Variants in TAF5L observed in about 807,000 individuals in gnomAD.
TAF5L encodes TATA-box binding protein associated factor 5 like.
In TAF5L, 7 loss-of-function variants were observed where a neutral mutation model predicts 51.3. That is an observed-to-expected ratio of 0.14 (90% confidence interval 0.08 to 0.26). The LOEUF (loss-of-function observed/expected upper bound fraction) is 0.26, where lower values mean the gene tolerates loss of function less well. TAF5L is among the 10% of genes least tolerant of loss of function. The probability of loss-of-function intolerance (pLI) is 1.00; values close to 1 mark genes in which losing one functional copy is unlikely to be tolerated. For missense variants in TAF5L, 575 were observed against 758.9 expected (o/e 0.76, Z 2.85); for synonymous variants, 291 against 308.1 (o/e 0.94, Z 0.58).
intron 1 of TAF5L, among the ~76,000 whole-genome samples, chr1:229,619,065 A>G (rs1384194049): frequency 6.6e-6 from 1 of 152,200 alleles, no homozygotes; most frequent in Non-Finnish European, 1.5e-5. Context: ...GAAGAAAAAA[A>G]TTATTTTTTT....
intron 4 of TAF5L, chr1:229,599,475 C>T (rs1458263807): frequency 6.4e-6 from 1 of 155,652 alleles, no homozygotes; most frequent in Non-Finnish European, 1.4e-5. Context: ...GCAACCACTC[C>T]TCTCCTCTCT....
intron 3 of TAF5L, among the ~76,000 whole-genome samples, chr1:229,609,430 C>T (rs1664712176): frequency 6.6e-6 from 1 of 152,152 alleles, no homozygotes. Context: ...CGGTTGATTG[C>T]TAAAGTGAGT....
intron 4 of TAF5L, among the ~76,000 whole-genome samples, chr1:229,596,142 C>CG (rs1482947577): frequency 5.9e-5 from 9 of 152,100 alleles, no homozygotes; most frequent in Non-Finnish European, 1.3e-4. Context: ...GGCATGGTGG[C>CG]GCATGCCTGT....
At chr1:229,609,817 C>T (rs1032509402) in intron 3 of TAF5L, among the ~76,000 whole-genome samples, 2 of 152,192 alleles carry the variant, frequency 1.3e-5, no homozygotes, top group Non-Finnish European at 2.9e-5. Flanking sequence ...AATAAACACC[C>T]AGAGCTCTGC....
intron 3 of TAF5L, among the ~76,000 whole-genome samples, chr1:229,608,033 A>C (rs1243140301): frequency 6.6e-6 from 1 of 152,224 alleles, no homozygotes; most frequent in Non-Finnish European, 1.5e-5. Flanking sequence ...TTGAAATGTA[A>C]AGTTCTGGCC....
intron 4 of TAF5L, among the ~76,000 whole-genome samples, chr1:229,598,397 T>C (rs1664209796): frequency 6.6e-6 from 1 of 152,226 alleles, no homozygotes; most frequent in Admixed American, 6.5e-5. Context: ...AATGACAATT[T>C]GATACACAGA....
intron 1 of TAF5L, among the ~76,000 whole-genome samples, chr1:229,618,544 CT>C (rs1463061095): frequency 6.6e-6 from 1 of 152,130 alleles, no homozygotes; most frequent in African/African-American, 2.4e-5. Flanking sequence ...TTGCCAGATA[CT>C]TCAACCAAGT....
rs375800091 is a variant in TAF5L, at chr1:229,607,064, AAGCTATGC to A, written c.247+3034_247+3041del. ...ATCCTAGCCTCAAATTTCCCACTGC[AAGCTATGC>A]AGTAGGATGCCACTGTCATGACAAT... On this transcript the variant is annotated intron_variant, in intron 3 of 4. Transcript: ENST00000258281. 1.7e-4 allele frequency: 165 copies of A among 985,432 alleles called. 2 individuals carry two copies. In the East Asian group the frequency reaches 0.012, roughly 70 times the overall value. The allele number at this position is 985,432 out of a possible 1,614,324, so 61.0% of individuals were successfully genotyped here.
chr1:229,606,735 T>G (rs548051637), intron 3 of TAF5L: 14 of 985,422 alleles, frequency 1.4e-5, no homozygotes, highest in African/African-American at 5.2e-5. Flanking sequence ...GCATCCATGA[T>G]CATGTTTAAG....
intron 2 of TAF5L, 54 bp from the exon 3 acceptor site, chr1:229,610,264 AC>A: frequency 6.4e-7 from 1 of 1,551,968 alleles, no homozygotes. Flanking sequence ...ACGATTATTA[AC>A]CCAGTACGTG....
rs540509297 is a variant in TAF5L at position 229,615,136 on chromosome 1, G to A, written c.-3-651C>T. 6.2e-4 allele frequency among the ~76,000 whole-genome samples: 94 copies of A among 152,200 alleles called. 2 individuals are homozygous for A. In the South Asian group the frequency reaches 0.018, roughly 29 times the overall value. Reference sequence around the variant, plus strand: ...AGAGTCTCGCTCTGTCGCCCAGGCTGGAGTGCATTGGTGCGATCTCAGCTC... The same window carrying A: ...AGAGTCTCGCTCTGTCGCCCAGGCTAGAGTGCATTGGTGCGATCTCAGCTC... On this transcript the variant is annotated intron_variant, in intron 1 of 4. Coordinates refer to ENST00000258281, the Ensembl canonical transcript of TAF5L.
At chr1:229,600,584 T>C in intron 4 of TAF5L, 2 of 985,502 alleles carry the variant, frequency 2.0e-6, no homozygotes, top group Non-Finnish European at 2.4e-6. Context: ...CTACCCTAGT[T>C]TGGCCGCCAT....
intron 3 of TAF5L, chr1:229,606,863 CATCT>C (rs1195230158): frequency 1.0e-6 from 1 of 985,326 alleles, no homozygotes; most frequent in Admixed American, 6.1e-5. Context: ...CAGAATCTCT[CATCT>C]ACAGACAACC....
In TAF5L at chr1:229,594,571, G is replaced by A; in HGVS notation, c.1496C>T (p.Ser499Phe). Residue 499 changes from serine (S) to phenylalanine (F), a missense_variant, in exon 5 of 5, where the codon TCT becomes TTT. Physicochemically the swap from Ser to Phe is radical, Grantham distance 155. Coordinates refer to ENST00000258281, the Ensembl canonical transcript of TAF5L. The surrounding 1 kb of genome is among the most constrained non-coding windows in gnomAD (Gnocchi z 7.9). Reference sequence around the variant, plus strand: ...TCTCAACTCTTTATAAAGGGTCCCAGAGGCCAAGTCCCACAGCTTCAACCG... The same window carrying A: ...TCTCAACTCTTTATAAAGGGTCCCAAAGGCCAAGTCCCACAGCTTCAACCG... 6.2e-7 allele frequency: 1 copy of A among 1,614,214 alleles called. No homozygotes were observed. The highest frequency in any genetic ancestry group is 1.3e-5 in the African/African-American group (1 of 75,056).
At chr1:229,603,697 GT>G (rs1480197417) in intron 3 of TAF5L, among the ~76,000 whole-genome samples, 2 of 152,244 alleles carry the variant, frequency 1.3e-5, no homozygotes, top group African/African-American at 4.8e-5. Context: ...TAACTTGGGA[GT>G]TTAGCGCCAT....
In TAF5L at chr1:229,594,217, G is replaced by C. The variant is rs1664027016; in HGVS notation, c.*80C>G. 2 of 1,442,778 alleles carry C rather than the reference G, an allele frequency of 1.4e-6. No individual in the cohort carries two copies. The highest frequency in any genetic ancestry group is 2.7e-5 in the South Asian group (2 of 73,158). The allele number at this position is 1,442,778 out of a possible 1,614,324, so 89.4% of individuals were successfully genotyped here. On this transcript the variant is annotated 3_prime_UTR_variant, in exon 5 of 5. Transcript: ENST00000258281. This position sits in a 1 kb window ranked among gnomAD's most constrained non-coding sequence, Gnocchi z 7.9. ...AGGAGGGGGCTCTTTCACAGTCAAT[G>C]ATTCAATCTCAGCTCATTGAAGGAT...
At chr1:229,603,135 C>T (rs1320484604) in intron 3 of TAF5L, among the ~76,000 whole-genome samples, 1 of 152,236 alleles carries the variant, frequency 6.6e-6, no homozygotes, top group East Asian at 1.9e-4. Context: ...CAAATCAGGG[C>T]CTGAAGTTGG....
At chr1:229,614,186 G>A (rs1175986567) in intron 2 of TAF5L, 155 bp downstream of exon 2, 3 of 1,221,660 alleles carry the variant, frequency 2.5e-6, no homozygotes, top group South Asian at 2.6e-5. Context: ...GGGTCTCTGA[G>A]GCCAACATCA....
At chr1:229,619,858 G>C (rs1472405988) in intron 1 of TAF5L, among the ~76,000 whole-genome samples, 1 of 152,000 alleles carries the variant, frequency 6.6e-6, no homozygotes, top group African/African-American at 2.4e-5. Context: ...ATTACTGTCT[G>C]CCACTGCTTC....
Sources: gnomAD v4.1 joint callset for allele counts (sites outside exome capture counted in the v4.1 genomes callset) on GRCh38, gnomAD v4.1.1 for gene constraint, Gnocchi (gnomAD v3.1) non-coding constraint, MANE v1.5 for transcripts, NCBI Gene and HGNC (gene_info 2026-07-23, HGNC 2026-07-21) for gene names.